RIMBP2: variants seen among roughly 807,000 people sequenced by gnomAD.
RIMBP2 encodes RIMS-binding protein 2.
A neutral mutation model predicts 118.6 loss-of-function variants in RIMBP2; 48 were observed. The ratio of observed to expected loss-of-function variants is 0.40; its 90% CI spans 0.32 to 0.51. RIMBP2 has a LOEUF of 0.51. Ranked by LOEUF, RIMBP2 falls within the 20% of genes least tolerant of loss-of-function variation. The pLI is 0.41. For missense variants in RIMBP2, 1,551 were observed against 1,768.3 expected (o/e 0.88, Z 2.20); for synonymous variants, 762 against 742.9 (o/e 1.03, Z -0.42).
chr12:130,416,549 C>A (rs1219208261), intron 17 of RIMBP2, among the ~76,000 whole-genome samples: 1 of 152,202 alleles, frequency 6.6e-6, no homozygotes, highest in Non-Finnish European at 1.5e-5. Context: ...GGACTCCTAC[C>A]TTTTACCATA....
intron 1 of RIMBP2, among the ~76,000 whole-genome samples, chr12:130,659,659 G>A (rs1266853429): frequency 6.6e-6 from 1 of 150,920 alleles, no homozygotes; most frequent in Non-Finnish European, 1.5e-5. Context: ...ATTTCAACAT[G>A]GAATGAATTA....
intron 3 of RIMBP2, among the ~76,000 whole-genome samples, chr12:130,516,068 A>G (rs11613933): frequency 0.052 from 7,857 of 152,242 alleles, 268 homozygotes; most frequent in South Asian, 0.16. Flanking sequence ...TTTTTTGAGC[A>G]AATTCCATAC....
intron 13 of RIMBP2, among the ~76,000 whole-genome samples, chr12:130,435,817 C>T (rs566450308): frequency 7.3e-4 from 111 of 152,312 alleles, no homozygotes; most frequent in African/African-American, 2.3e-3. Flanking sequence ...CTCAGGAGGA[C>T]GGGGTGGGGG....
chr12:130,438,386 G>A lies in RIMBP2; in HGVS notation c.1635C>T (p.Gly545=), dbSNP rs769669897. 3.0e-6 allele frequency: 4 copies of A among 1,353,520 alleles called. No individual in the cohort carries two copies. Among genetic ancestry groups the A allele is most frequent in the Non-Finnish European group, 3.9e-6 (4 of 1,018,234 alleles). 83.8% of individuals were successfully genotyped at this position (1,353,520 alleles called of 1,614,324 possible). The change falls in exon 12 of 23, where the codon GGC becomes GGT. Residue 545 remains glycine (G), a synonymous_variant. Transcript: ENST00000690449. The part of the protein sequence containing the change: ...LSNGANVTGY[G]VYAKGQRVAE... ...TCACCCTCTGCCCTTTGGCATACAC[G>A]CCGTAGCCGGTAACGTTTGCGCCAT...
intron 6 of RIMBP2, chr12:130,470,445 G>T (rs1389208498): frequency 2.7e-6 from 1 of 369,362 alleles, no homozygotes; most frequent in Non-Finnish European, 4.8e-6. Context: ...TTCTGGGTCT[G>T]GATGTGTGGC....
chr12:130,438,475 C>T lies in RIMBP2; in HGVS notation c.1546G>A (p.Val516Met), dbSNP rs774346273. 4.3e-6 allele frequency: 7 copies of T among 1,612,036 alleles called. No individual in the cohort carries two copies. Among genetic ancestry groups the T allele is most frequent in the Admixed American group, 3.3e-5 (2 of 59,860 alleles). The stretch of plus-strand genomic sequence containing the variant: ...GAGACCCGGATGGTGGCGGGGGTCA[C>T]CCCAGCCTGGACGGTAACATCTTGT... ...PPQDVTVQAG[V>M]TPATIRVSWR... Residue 516 changes from valine to methionine, a missense_variant, in exon 12 of 23, where the codon GTG becomes ATG. By Grantham distance (21) the Val-to-Met change is conservative. Transcript: ENST00000690449.
chr12:130,490,038 C>G (rs564038801), intron 4 of RIMBP2, among the ~76,000 whole-genome samples: 4 of 149,290 alleles, frequency 2.7e-5, no homozygotes, highest in Non-Finnish European at 5.9e-5. Flanking sequence ...GCAAGAGAAT[C>G]GCTTGAACCC....
chr12:130,491,674 C>T (rs1414061893), intron 4 of RIMBP2, among the ~76,000 whole-genome samples: 1 of 152,172 alleles, frequency 6.6e-6, no homozygotes. Context: ...CTGAAAACCT[C>T]GGGTTTCGCC....
intron 2 of RIMBP2, among the ~76,000 whole-genome samples, chr12:130,526,221 A>T (rs1391756972): frequency 1.3e-5 from 2 of 152,186 alleles, no homozygotes; most frequent in Non-Finnish European, 2.9e-5. Flanking sequence ...GAATATATAA[A>T]GGAACAATTT....
chr12:130,483,846 C>G (rs913926982), intron 4 of RIMBP2, among the ~76,000 whole-genome samples: 2 of 146,974 alleles, frequency 1.4e-5, no homozygotes. Context: ...CACCTACACA[C>G]GGTGCCCGGA....
rs147420276 is a variant in RIMBP2 at position 130,649,395 on chromosome 12, C to T, written c.-351-20939G>A. Among the ~76,000 whole-genome samples, 918 of 152,336 alleles carry T rather than the reference C, an allele frequency of 6.0e-3. 7 individuals carry two copies. The highest frequency in any genetic ancestry group is 0.01 in the Non-Finnish European group (702 of 68,034). Reference sequence around the variant, plus strand: ...CCAACCCCTGGGGCCTCATGGCCTCCGCATCCAGCCAGTGGGGTACTGGGA... The same window carrying T: ...CCAACCCCTGGGGCCTCATGGCCTCTGCATCCAGCCAGTGGGGTACTGGGA... On this transcript the variant is annotated intron_variant, in intron 1 of 22. Transcript: ENST00000690449.
rs1533395 is a variant in RIMBP2, at chr12:130,484,304, G to A, written c.-3-5288C>T. ...GCCCTGCTGTAACACCCTGGCTTTC[G>A]CGCTGTTTCTAAAGAGCAGACCAGT... is the stretch of plus-strand genomic sequence containing the variant. On this transcript the variant is annotated intron_variant, in intron 4 of 22. Coordinates refer to ENST00000690449, the MANE Select transcript of RIMBP2 (RefSeq NM_001393629.1). 5.7e-3 allele frequency among the ~76,000 whole-genome samples: 861 copies of A among 152,228 alleles called. 10 individuals carry two copies. Among genetic ancestry groups the A allele is most frequent in the African/African-American group, 0.02 (817 of 41,552 alleles).
intron 1 of RIMBP2, among the ~76,000 whole-genome samples, chr12:130,685,505 C>T (rs1275346999): frequency 6.6e-6 from 1 of 152,170 alleles, no homozygotes; most frequent in Admixed American, 6.5e-5. Flanking sequence ...ATCCGCCTGA[C>T]CCTGTGAGCA....
intron 5 of RIMBP2, among the ~76,000 whole-genome samples, chr12:130,476,323 CCTTT>C (rs2081423150): frequency 6.6e-6 from 1 of 152,182 alleles, no homozygotes; most frequent in South Asian, 2.1e-4. Flanking sequence ...GAGGGTCACT[CCTTT>C]GAGATGGCTC....
chr12:130,452,377 T>C (rs943388294), intron 7 of RIMBP2, among the ~76,000 whole-genome samples: 2 of 152,216 alleles, frequency 1.3e-5, no homozygotes, highest in Admixed American at 6.5e-5. Flanking sequence ...AGCGCCACCA[T>C]GGCAGGGAAT....
intron 1 of RIMBP2, among the ~76,000 whole-genome samples, chr12:130,655,747 A>C (rs2063401158): frequency 6.6e-6 from 1 of 152,212 alleles, no homozygotes; most frequent in African/African-American, 2.4e-5. Context: ...CATCAACTTC[A>C]GCTCTCCCTC....
At chr12:130,643,235 C>T (rs1044929063) in intron 1 of RIMBP2, among the ~76,000 whole-genome samples, 5 of 152,222 alleles carry the variant, frequency 3.3e-5, no homozygotes, top group African/African-American at 1.2e-4. Flanking sequence ...AGGGAGCTCA[C>T]ACTCGCCCTG....
chr12:130,573,279 A>G (rs1410169094), intron 2 of RIMBP2, among the ~76,000 whole-genome samples: 1 of 152,066 alleles, frequency 6.6e-6, no homozygotes, highest in Non-Finnish European at 1.5e-5. Context: ...GACTCGGAGC[A>G]TAGAGACGAT....
intron 1 of RIMBP2, among the ~76,000 whole-genome samples, chr12:130,693,985 G>C (rs2065454840): frequency 6.6e-6 from 1 of 152,208 alleles, no homozygotes; most frequent in Non-Finnish European, 1.5e-5. Flanking sequence ...GGATGCAGTG[G>C]AGCCTGCACA....
Sources: gnomAD v4.1 joint callset for allele counts (sites outside exome capture counted in the v4.1 genomes callset) on GRCh38, gnomAD v4.1.1 for gene constraint, MANE v1.5 for transcripts, NCBI Gene and HGNC (gene_info 2026-07-23, HGNC 2026-07-21) for gene names.